ZBTB38: variants seen among roughly 807,000 people sequenced by gnomAD.
The protein encoded by ZBTB38 is zinc finger and BTB domain-containing protein 38.
In ZBTB38, 20 loss-of-function variants were observed where a neutral mutation model predicts 76.8. That is an observed-to-expected ratio of 0.26 (90% confidence interval 0.18 to 0.38). The LOEUF (loss-of-function observed/expected upper bound fraction) is 0.38. ZBTB38 is among the 10% of genes least tolerant of loss of function. The pLI, the probability that ZBTB38 is intolerant of heterozygous loss-of-function variation, is 1.00. For synonymous variants in ZBTB38, 504 were observed against 544.2 expected (o/e 0.93, Z 1.03); for missense variants, 1,082 against 1,482.3 (o/e 0.73, Z 4.43).
intron 5 of ZBTB38, among the ~76,000 whole-genome samples, chr3:141,439,873 G>T (rs1577495452): frequency 6.6e-6 from 1 of 152,146 alleles, no homozygotes; most frequent in South Asian, 2.1e-4. Flanking sequence ...ATATGAGTCA[G>T]GGGAGAAAGG....
intron 4 of ZBTB38, among the ~76,000 whole-genome samples, chr3:141,396,702 C>T (rs1398204818): frequency 6.6e-6 from 1 of 152,216 alleles, no homozygotes; most frequent in Non-Finnish European, 1.5e-5. Flanking sequence ...ATCAGGACTA[C>T]AGAATGGATG....
intron 4 of ZBTB38, among the ~76,000 whole-genome samples, chr3:141,400,560 A>G (rs757673140): frequency 6.6e-6 from 1 of 152,204 alleles, no homozygotes; most frequent in Non-Finnish European, 1.5e-5. Context: ...CTGGCAGATT[A>G]CCCATGGAAA....
chr3:141,340,528 C>T (rs984163919), intron 1 of ZBTB38, among the ~76,000 whole-genome samples: 1 of 152,092 alleles, frequency 6.6e-6, no homozygotes, highest in East Asian at 1.9e-4. Flanking sequence ...AACTCTTCAA[C>T]TCAATAATAA....
chr3:141,384,500 G>A (rs538558389), intron 3 of ZBTB38, among the ~76,000 whole-genome samples: 2 of 152,332 alleles, frequency 1.3e-5, no homozygotes, highest in South Asian at 4.1e-4. Flanking sequence ...CGTCATTGAT[G>A]GGGAATATCT....
At chr3:141,329,790 T>A (rs1404853640) in intron 1 of ZBTB38, among the ~76,000 whole-genome samples, 2 of 151,830 alleles carry the variant, frequency 1.3e-5, no homozygotes, top group African/African-American at 2.4e-5. Flanking sequence ...CTGTTTGGAT[T>A]TTTTTTTAAT....
intron 1 of ZBTB38, among the ~76,000 whole-genome samples, chr3:141,330,834 A>T (rs1471729242): frequency 6.6e-6 from 1 of 152,198 alleles, no homozygotes; most frequent in Non-Finnish European, 1.5e-5. Flanking sequence ...GAACCTCGCC[A>T]TGCGATGCCT....
chr3:141,326,522 T>A (rs2148868650), intron 1 of ZBTB38, among the ~76,000 whole-genome samples: 2 of 152,324 alleles, frequency 1.3e-5, no homozygotes, highest in East Asian at 3.9e-4. Context: ...AAAAATTTAT[T>A]GTGCTAAGAT....
At chr3:141,432,681 A>G (rs754146349) in intron 5 of ZBTB38, among the ~76,000 whole-genome samples, 1 of 152,252 alleles carries the variant, frequency 6.6e-6, no homozygotes, top group Non-Finnish European at 1.5e-5. Context: ...TAGAGTTTAT[A>G]TGGAAACTAT....
chr3:141,417,132 G>C (rs953903559), intron 5 of ZBTB38, among the ~76,000 whole-genome samples: 1 of 152,088 alleles, frequency 6.6e-6, no homozygotes, highest in African/African-American at 2.4e-5. Context: ...TCGCAGTAAG[G>C]GTCTGCAGGT....
At chr3:141,358,628 A>G (rs1192830436) in intron 1 of ZBTB38, among the ~76,000 whole-genome samples, 2 of 152,360 alleles carry the variant, frequency 1.3e-5, no homozygotes, top group Non-Finnish European at 2.9e-5. Context: ...TTTTTTTAGT[A>G]TAGTCACAGA....
intron 5 of ZBTB38, chr3:141,434,029 T>A (rs1169163334): frequency 4.6e-6 from 1 of 216,180 alleles, no homozygotes; most frequent in East Asian, 1.8e-4. Context: ...ACTCTCAACA[T>A]CACCAACAAC....
chr3:141,431,558 AC>A (rs2077616679), intron 5 of ZBTB38, among the ~76,000 whole-genome samples: 1 of 151,830 alleles, frequency 6.6e-6, no homozygotes, highest in Non-Finnish European at 1.5e-5. Flanking sequence ...GAAAAAAGAA[AC>A]CCAGGACCTT....
At chr3:141,343,596 A>G (rs950862557) in intron 1 of ZBTB38, among the ~76,000 whole-genome samples, 1 of 152,180 alleles carries the variant, frequency 6.6e-6, no homozygotes, top group Non-Finnish European at 1.5e-5. Context: ...GATCTATACC[A>G]GCAGAGGTAC....
intron 5 of ZBTB38, among the ~76,000 whole-genome samples, chr3:141,421,259 G>A (rs890291087): frequency 1.3e-5 from 2 of 151,348 alleles, no homozygotes; most frequent in African/African-American, 4.9e-5. Context: ...TGTGGAACCA[G>A]GAGTCTAGAA....
chr3:141,409,714 A>G (rs1172280903), intron 5 of ZBTB38, among the ~76,000 whole-genome samples: 4 of 152,158 alleles, frequency 2.6e-5, no homozygotes, highest in African/African-American at 4.8e-5. Flanking sequence ...TAAAACACCA[A>G]TGGAGTTCCA....
chr3:141,365,864 G>A (rs1471039469), upstream of ZBTB38, among the ~76,000 whole-genome samples: 1 of 152,064 alleles, frequency 6.6e-6, no homozygotes, highest in Non-Finnish European at 1.5e-5. Flanking sequence ...CTTTAAGTGA[G>A]TGAACTTTCT....
chr3:141,366,305 G>A (rs534356437), upstream of ZBTB38: 1 of 152,204 alleles, frequency 6.6e-6, no homozygotes, highest in Non-Finnish European at 1.5e-5. Flanking sequence ...AAATACCTGT[G>A]TATATGAAGC....
Position 141,449,698 on chromosome 3 carries a change from T to C in ZBTB38, c.*3722T>C, listed in dbSNP as rs1215875960. 1 of 152,206 alleles carries C rather than the reference T, an allele frequency of 6.6e-6. No homozygotes were observed. Among genetic ancestry groups the C allele is most frequent in the Non-Finnish European group, 1.5e-5 (1 of 68,038 alleles). 9.4% of individuals were successfully genotyped at this position (152,206 alleles called of 1,614,324 possible). A position where few individuals can be genotyped will look rare whatever the true frequency, so the allele number is the denominator to read the frequency against. On this transcript the variant is annotated 3_prime_UTR_variant, in exon 6 of 6. Coordinates refer to ENST00000321464, the MANE Select transcript of ZBTB38 (RefSeq NM_001376113.1). The stretch of plus-strand genomic sequence containing the variant: ...AGATTCACCAAAAATTTGATAACTG[T>C]TATCTGCTAAAACTAACTTCATTAT...
chr3:141,396,835 A>G (rs996360212), intron 4 of ZBTB38, among the ~76,000 whole-genome samples: 9 of 152,240 alleles, frequency 5.9e-5, no homozygotes, highest in Admixed American at 2.0e-4. Flanking sequence ...TCTGAGCAGT[A>G]GGTCTCAACA....
Sources: allele counts gnomAD v4.1 joint callset (sites outside exome capture counted in the v4.1 genomes callset), GRCh38; gene constraint gnomAD v4.1.1; transcripts MANE v1.5; gene names NCBI Gene and HGNC (gene_info 2026-07-23, HGNC 2026-07-21).